Variants in ANOS1 observed in about 807,000 individuals in gnomAD.
ANOS1 encodes anosmin-1.
Under a neutral mutation model 59.0 loss-of-function variants are expected in ANOS1, and 6 were observed. The ratio of observed to expected loss-of-function variants is 0.10; its 90% CI spans 0.06 to 0.20. The LOEUF is 0.20. ANOS1 is among the 10% of genes least tolerant of loss of function. ANOS1 has a pLI of 1.00. For synonymous variants in ANOS1, 217 were observed against 223.4 expected, an observed-to-expected ratio of 0.97 and a Z score of 0.25; for missense variants, 433 against 542.3, an observed-to-expected ratio of 0.80 and a Z score of 2.00.
chrX:8,557,939 G>T (rs1050976269), intron 8 of ANOS1, among the ~76,000 whole-genome samples: 5 of 112,005 alleles, frequency 4.5e-5, no homozygotes, highest in Non-Finnish European at 7.5e-5. Context: ...TCCCATCAAT[G>T]ATAGACTGGA....
rs1233665253 is a variant in ANOS1, at chrX:8,619,078, AAAAAAAAAAAAAAAAAAAAAAAAG to A, written c.318+4506_318+4529del. On this transcript the variant is annotated intron_variant, in intron 3 of 13. Transcript: ENST00000262648. ...ACAGAGCAAACCTCTCTCAAAAAAA[AAAAAAAAAAAAAAAAAAAAAAAAG>A]AAAGAAAAGAAAAGAACAGTGATAA... 1.7e-4 allele frequency among the ~76,000 whole-genome samples: 6 copies of A among 36,173 alleles called. No individual in the cohort carries two copies. In the South Asian group the frequency reaches 5.7e-3, roughly 34 times the overall value. 31.4% of individuals were successfully genotyped at this position (36,173 alleles called of 115,157 possible). A position where few individuals can be genotyped will look rare whatever the true frequency, so the allele number is the denominator to read the frequency against.
At chrX:8,644,480 G>GA (rs36025872) in intron 2 of ANOS1, among the ~76,000 whole-genome samples, 30 of 100,398 alleles carry the variant, frequency 3.0e-4, no homozygotes, top group Admixed American at 9.7e-4. Flanking sequence ...AGCAGGCCCT[G>GA]AAAAAAAAAA....
rs777132740 is a variant in ANOS1 at position 8,568,296 on chromosome X, T to A, written c.1143A>T (p.Gly381=). Residue 381 remains glycine, a synonymous_variant, in exon 8 of 14, where the codon GGA becomes GGT. Coordinates refer to ENST00000262648, the MANE Select transcript of ANOS1 (RefSeq NM_000216.4). ...CCTTTGCACTCTTCAGCCGTGTCTG[T>A]CCCCAGTACGTTATGGCTTGCAATT... The part of the protein sequence containing the change: ...VVELQAITYW[G]QTRLKSAKVS... 22 of 1,207,566 alleles carry A rather than the reference T, an allele frequency of 1.8e-5. No individual in the cohort carries two copies. The highest frequency in any genetic ancestry group is 2.4e-5 in the Non-Finnish European group (21 of 893,297).
chrX:8,594,537 C>T (rs894735001), intron 4 of ANOS1, among the ~76,000 whole-genome samples: 4 of 101,047 alleles, frequency 4.0e-5, no homozygotes, highest in Non-Finnish European at 8.0e-5. Flanking sequence ...TCTATTTGCC[C>T]TCCTTTTACA....
rs1187661954 is a variant in ANOS1, at chrX:8,536,780, C to T, written c.1612G>A (p.Gly538Ser). 35 of 1,207,798 alleles carry T rather than the reference C, an allele frequency of 2.9e-5. No individual in the cohort carries two copies. The highest frequency in any genetic ancestry group is 3.8e-5 in the Non-Finnish European group (34 of 892,772). ...GKSHKPVGCL[G>S]EAGHVLSKVL... ...TCAGGTGAAAACGTACCTGCTTCGCCCAGGCAGCCAACAGGCTTGTGGCTC... is the reference window on the plus strand; with the variant it reads ...TCAGGTGAAAACGTACCTGCTTCGCTCAGGCAGCCAACAGGCTTGTGGCTC... The change falls in exon 11 of 14, where the codon GGC (glycine) becomes AGC (serine). Residue 538 changes from glycine (G) to serine (S), a missense_variant. Gly to Ser is a moderately conservative substitution (Grantham distance 56). Transcript: ENST00000262648.
chrX:8,689,590 C>T (rs1932574356), intron 2 of ANOS1, among the ~76,000 whole-genome samples: 1 of 109,031 alleles, frequency 9.2e-6, no homozygotes, highest in Admixed American at 9.9e-5. Context: ...TGCCTGTAGT[C>T]CCAGCCACTC....
At chrX:8,674,281 C>T (rs1602018498) in intron 2 of ANOS1, among the ~76,000 whole-genome samples, 1 of 111,984 alleles carries the variant, frequency 8.9e-6, no homozygotes, top group Middle Eastern at 4.6e-3. Flanking sequence ...ACTAACTTTT[C>T]CCCAAAAAAC....
chrX:8,621,737 A>G (rs940394672), intron 3 of ANOS1, among the ~76,000 whole-genome samples: 3 of 111,802 alleles, frequency 2.7e-5, no homozygotes, highest in Non-Finnish European at 5.6e-5. Flanking sequence ...AACTGAATTC[A>G]TAGAGTAAGT....
intron 8 of ANOS1, among the ~76,000 whole-genome samples, 169 bp from the exon 9 acceptor site, chrX:8,554,267 G>T (rs1238507198): frequency 9.0e-6 from 1 of 111,625 alleles, no homozygotes; most frequent in East Asian, 2.8e-4. Context: ...CATTAGGACT[G>T]GTTAGACAGT....
intron 4 of ANOS1, among the ~76,000 whole-genome samples, chrX:8,592,044 T>C (rs910551976): frequency 8.9e-6 from 1 of 112,248 alleles, no homozygotes; most frequent in Non-Finnish European, 1.9e-5. Flanking sequence ...AGAAACCCAA[T>C]GCTTTTTAAA....
At chrX:8,655,553 T>A (rs1272583879) in intron 2 of ANOS1, among the ~76,000 whole-genome samples, 1 of 111,472 alleles carries the variant, frequency 9.0e-6, no homozygotes, top group African/African-American at 3.3e-5. Flanking sequence ...ACCACAATCA[T>A]GCTACATCGT....
rs1380453558 is a variant in ANOS1 at position 8,732,071 on chromosome X, G to C, written c.-35C>G. The C allele has an allele frequency of 8.9e-6, 8 of 901,329 alleles. No individual in the cohort carries two copies. Among genetic ancestry groups the C allele is most frequent in the Non-Finnish European group, 1.1e-5 (8 of 728,405 alleles). 74.3% of individuals were successfully genotyped at this position (901,329 alleles called of 1,213,427 possible). A position where few individuals can be genotyped will look rare whatever the true frequency, so the allele number is the denominator to read the frequency against. On this transcript the variant is annotated 5_prime_UTR_variant, in exon 1 of 14. Coordinates refer to ENST00000262648, the MANE Select transcript of ANOS1 (RefSeq NM_000216.4). The stretch of plus-strand genomic sequence containing the variant: ...TCGAGGGCGAGGGCGAGGGCGCCGG[G>C]CGCGGGCCGAGGCTCCCTGCTCCGC...
At chrX:8,700,424 C>T (rs757586149) in intron 1 of ANOS1, among the ~76,000 whole-genome samples, 1 of 111,374 alleles carries the variant, frequency 9.0e-6, no homozygotes, top group Non-Finnish European at 1.9e-5. Flanking sequence ...AGAACTCACT[C>T]CCTGTCATGA....
chrX:8,615,501 C>T (rs1168793617), intron 3 of ANOS1, among the ~76,000 whole-genome samples: 1 of 103,441 alleles, frequency 9.7e-6, no homozygotes, highest in Non-Finnish European at 2.0e-5. Flanking sequence ...CGAGATCGTG[C>T]CATTGCACTC....
intron 3 of ANOS1, among the ~76,000 whole-genome samples, chrX:8,620,003 G>C (rs1383037705): frequency 8.9e-6 from 1 of 111,918 alleles, no homozygotes; most frequent in Non-Finnish European, 1.9e-5. Context: ...CATGATCATA[G>C]CTCATTGCAA....
chrX:8,562,370 C>T (rs1293117699), intron 8 of ANOS1, among the ~76,000 whole-genome samples: 5 of 111,780 alleles, frequency 4.5e-5, no homozygotes, highest in Admixed American at 9.5e-5. Flanking sequence ...TGCTGACACA[C>T]GCCATGGGTA....
intron 8 of ANOS1, among the ~76,000 whole-genome samples, chrX:8,556,642 G>A (rs1929954358): frequency 9.0e-6 from 1 of 111,303 alleles, no homozygotes. Context: ...ACCTCTTCAA[G>A]GAGAACTACA....
At chrX:8,661,956 G>C (rs1054707241) in intron 2 of ANOS1, among the ~76,000 whole-genome samples, 7 of 112,032 alleles carry the variant, frequency 6.2e-5, no homozygotes, top group African/African-American at 2.3e-4. Flanking sequence ...AATGGAGCAA[G>C]CTGCAATGAC....
At chrX:8,685,178 T>C (rs1245503879) in intron 2 of ANOS1, among the ~76,000 whole-genome samples, 2 of 111,278 alleles carry the variant, frequency 1.8e-5, no homozygotes, top group African/African-American at 6.5e-5. Flanking sequence ...AACAGCAACA[T>C]TTTCCTATTT....
Sources: gnomAD v4.1 joint callset for allele counts (sites outside exome capture counted in the v4.1 genomes callset) on GRCh38, gnomAD v4.1.1 for gene constraint, MANE v1.5 for transcripts, NCBI Gene and HGNC (gene_info 2026-07-23, HGNC 2026-07-21) for gene names.